Variants in ZNF395 observed in about 807,000 individuals in gnomAD.
The protein encoded by ZNF395 is HD gene regulatory region-binding protein 2.
Under a neutral mutation model 57.7 loss-of-function variants are expected in ZNF395, and 20 were observed. That is an observed-to-expected ratio of 0.35 (90% confidence interval 0.24 to 0.50). The LOEUF is 0.50. Among genes scored for constraint, ZNF395 ranks in the 20% least tolerant of loss-of-function variants. The pLI is 0.97. For synonymous variants in ZNF395, 295 were observed against 275.9 expected (o/e 1.07, Z -0.69); for missense variants, 606 against 671.2 (o/e 0.90, Z 1.07).
Position 28,354,888 on chromosome 8 carries a change from G to A in ZNF395, c.584-1480C>T, listed in dbSNP as rs528076729. On this transcript the variant is annotated intron_variant, in intron 4 of 9. Coordinates refer to ENST00000344423, the MANE Select transcript of ZNF395 (RefSeq NM_018660.3). ...CAACATCTAGGATGCTCAGGACTCC[G>A]GGACAAAGAGCAGGTCAAGCAGCAG... Among the ~76,000 whole-genome samples the A allele has an allele frequency of 2.0e-5, 3 of 151,350 alleles. No individual in the cohort carries two copies. The South Asian group carries it at 6.3e-4, about 32-fold the overall frequency.
In ZNF395 at chr8:28,360,987, G is replaced by A; in HGVS notation, c.138C>T (p.Phe46=). Residue 46 remains phenylalanine, a synonymous_variant, in exon 2 of 10, where the codon TTC becomes TTT. Transcript: ENST00000344423. ...GGCAGGGGGTGTCATCAGAGGTGGT[G>A]AAAGGCTGGGGAGCGGCCCCTTCTA... is the stretch of plus-strand genomic sequence containing the variant. ...PLLEGAAPQP[F]TTSDDTPCQE... is the part of the protein sequence containing the mutation. 2 of 1,612,616 alleles carry A rather than the reference G, an allele frequency of 1.2e-6. No homozygotes were observed. The highest frequency in any genetic ancestry group is 1.3e-5 in the African/African-American group (1 of 75,040).
chr8:28,372,124 G>T (rs1363781714), intron 1 of ZNF395, among the ~76,000 whole-genome samples: 1 of 152,108 alleles, frequency 6.6e-6, no homozygotes, highest in Non-Finnish European at 1.5e-5. Context: ...CTGTGCCTCA[G>T]TTTCCTCACG....
intron 1 of ZNF395, among the ~76,000 whole-genome samples, chr8:28,373,045 T>C (rs1174412114): frequency 2.0e-5 from 3 of 152,170 alleles, no homozygotes; most frequent in Admixed American, 6.5e-5. Context: ...AATACCCCAG[T>C]GAAGGCAAAT....
At chr8:28,368,897 G>A (rs1463143890) in intron 1 of ZNF395, among the ~76,000 whole-genome samples, 2 of 151,896 alleles carry the variant, frequency 1.3e-5, no homozygotes, top group Non-Finnish European at 2.9e-5. Context: ...GTGCAGTGGC[G>A]CCATCTCGGC....
chr8:28,377,196 TA>T (rs202111880), intron 1 of ZNF395, among the ~76,000 whole-genome samples: 3 of 152,026 alleles, frequency 2.0e-5, no homozygotes, highest in East Asian at 1.9e-4. Context: ...AGAATTAAAC[TA>T]AAAAAAATTT....
chr8:28,382,493 T>A (rs1379963987), intron 1 of ZNF395, among the ~76,000 whole-genome samples: 1 of 151,924 alleles, frequency 6.6e-6, no homozygotes, highest in African/African-American at 2.4e-5. Context: ...ACTCTATACC[T>A]CCCCACATCT....
At chr8:28,361,735 G>A (rs1044332638) in intron 1 of ZNF395, among the ~76,000 whole-genome samples, 8 of 152,266 alleles carry the variant, frequency 5.3e-5, no homozygotes, top group East Asian at 3.9e-4. Flanking sequence ...GCCTGAGGAC[G>A]TCTGTCTGAT....
intron 1 of ZNF395, among the ~76,000 whole-genome samples, chr8:28,376,276 A>G (rs1005055196): frequency 6.6e-6 from 1 of 152,090 alleles, no homozygotes; most frequent in Non-Finnish European, 1.5e-5. Flanking sequence ...TGCTTGGATT[A>G]CAGGCGTGAG....
At position 28,348,188 on chromosome 8, in the gene ZNF395, C is replaced by T. The variant is rs1411309591; in HGVS notation, c.*531G>A. The T allele has an allele frequency of 2.0e-5, 3 of 152,060 alleles. No individual in the cohort carries two copies. Among genetic ancestry groups the T allele is most frequent in the African/African-American group, 4.9e-5 (2 of 41,224 alleles). The allele number at this position is 152,060 out of a possible 1,614,324, so 9.4% of individuals were successfully genotyped here. On this transcript the variant is annotated 3_prime_UTR_variant, in exon 10 of 10. Transcript: ENST00000344423. The stretch of plus-strand genomic sequence containing the variant: ...CAGACAGGGAACAGGAGGTACCCTC[C>T]GAGAAGGGCAAACCCCTCTGCCCCA...
rs1156535943 is a variant in ZNF395 at position 28,348,796 on chromosome 8, C to T, written c.1465G>A (p.Val489Met). 25 of 1,614,022 alleles carry T rather than the reference C, an allele frequency of 1.5e-5. No homozygotes were observed. The highest frequency in any genetic ancestry group is 2.1e-5 in the Non-Finnish European group (25 of 1,180,036). Residue 489 changes from valine (V) to methionine (M), a missense_variant, in exon 10 of 10, where the codon GTG becomes ATG. Physicochemically the swap from Val to Met is conservative, Grantham distance 21 (BLOSUM62 1). Coordinates refer to ENST00000344423, the MANE Select transcript of ZNF395 (RefSeq NM_018660.3). ...ARGEAKKCRKVYGIEHRDQWC... is the reference protein window; with the variant it reads ...ARGEAKKCRKMYGIEHRDQWC... ...TGGTCCCGGTGCTCGATGCCATACA[C>T]CTTGCGGCACTTCTTAGCCTCCCCT...
intron 1 of ZNF395, among the ~76,000 whole-genome samples, chr8:28,372,532 C>T (rs957516671): frequency 1.3e-5 from 2 of 152,174 alleles, no homozygotes; most frequent in African/African-American, 4.8e-5. Context: ...GAAACAGTCA[C>T]ATCCCAGCAC....
intron 1 of ZNF395, among the ~76,000 whole-genome samples, 188 bp from the exon 2 acceptor site, chr8:28,361,370 T>TCTTC (rs1801847699): frequency 6.6e-6 from 1 of 152,218 alleles, no homozygotes; most frequent in Non-Finnish European, 1.5e-5. Flanking sequence ...GGAGGCCCAC[T>TCTTC]CTTCCTATGC....
chr8:28,378,498 C>T (rs1802070614), intron 1 of ZNF395, among the ~76,000 whole-genome samples: 2 of 152,362 alleles, frequency 1.3e-5, no homozygotes, highest in South Asian at 2.1e-4. Context: ...ACCTCAGTCT[C>T]TCAAAGTGCT....
chr8:28,353,641 T>G (rs1022381081), intron 4 of ZNF395, among the ~76,000 whole-genome samples: 5 of 152,220 alleles, frequency 3.3e-5, no homozygotes, highest in Non-Finnish European at 7.3e-5. Flanking sequence ...GAAACCTAAC[T>G]GAAATTTCTC....
intron 1 of ZNF395, chr8:28,386,144 G>A (rs1405564922): frequency 6.9e-6 from 1 of 145,740 alleles, no homozygotes; most frequent in Non-Finnish European, 1.5e-5. Flanking sequence ...GCTCCGCTCC[G>A]GCCGCCCGCC....
chr8:28,370,876 A>C (rs1801968310), intron 1 of ZNF395, among the ~76,000 whole-genome samples: 1 of 152,218 alleles, frequency 6.6e-6, no homozygotes, highest in Admixed American at 6.5e-5. Flanking sequence ...ATCACATCTA[A>C]GTGACAAGAG....
intron 1 of ZNF395, among the ~76,000 whole-genome samples, chr8:28,384,131 C>T (rs1406611156): frequency 2.0e-5 from 3 of 152,180 alleles, no homozygotes; most frequent in Non-Finnish European, 4.4e-5. Context: ...ACTGATGTGT[C>T]CCCCTAACAC....
At chr8:28,376,245 G>C (rs1802038884) in intron 1 of ZNF395, among the ~76,000 whole-genome samples, 2 of 152,102 alleles carry the variant, frequency 1.3e-5, no homozygotes. Context: ...AAAGCAGCTG[G>C]GACCACAGGT....
Position 28,359,949 on chromosome 8 carries a change from T to A in ZNF395, c.241-125A>T. The A allele has an allele frequency of 1.4e-6, 2 of 1,424,562 alleles. No individual in the cohort carries two copies. Among genetic ancestry groups the A allele is most frequent in the Non-Finnish European group, 1.9e-6 (2 of 1,074,776 alleles). 88.2% of individuals were successfully genotyped at this position (1,424,562 alleles called of 1,614,324 possible). A position where few individuals can be genotyped will look rare whatever the true frequency, so the allele number is the denominator to read the frequency against. Reference sequence around the variant, plus strand: ...CAAACCATGTTCTCTGCCTCACTCATCTTTTATTCAAGCAGATGTTCCCAG... The same window carrying A: ...CAAACCATGTTCTCTGCCTCACTCAACTTTTATTCAAGCAGATGTTCCCAG... On this transcript the variant is annotated intron_variant, in intron 2 of 9. Coordinates refer to ENST00000344423, the MANE Select transcript of ZNF395 (RefSeq NM_018660.3). This position sits in a 1 kb window ranked among gnomAD's most constrained non-coding sequence, Gnocchi z 4.7.
Sources: gnomAD v4.1 joint callset for allele counts (sites outside exome capture counted in the v4.1 genomes callset) on GRCh38, gnomAD v4.1.1 for gene constraint, Gnocchi (gnomAD v3.1) non-coding constraint, MANE v1.5 for transcripts, NCBI Gene and HGNC (gene_info 2026-07-23, HGNC 2026-07-21) for gene names.